ZNF521: variants seen among roughly 807,000 people sequenced by gnomAD.
The protein encoded by ZNF521 is LYST-interacting protein 3.
In ZNF521, 14 loss-of-function variants were observed where a neutral mutation model predicts 105.5. That is an observed-to-expected ratio of 0.13 (90% CI 0.09 to 0.21). The LOEUF is 0.21. ZNF521 is among the 10% of genes least tolerant of loss of function. The pLI is 1.00. For synonymous variants in ZNF521, 635 were observed against 606.0 expected (o/e 1.05, Z -0.70); for missense variants, 1,233 against 1,629.7 (o/e 0.76, Z 4.19).
chr18:25,179,879 AAAG>A (rs1372476860), intron 5 of ZNF521, among the ~76,000 whole-genome samples: 9 of 152,226 alleles, frequency 5.9e-5, no homozygotes, highest in Non-Finnish European at 8.8e-5. Flanking sequence ...TTAAATACAC[AAAG>A]AAGACGACAA....
At chr18:25,163,641 C>G (rs2035287919) in intron 5 of ZNF521, among the ~76,000 whole-genome samples, 1 of 152,148 alleles carries the variant, frequency 6.6e-6, no homozygotes. Flanking sequence ...ACACAGTGCC[C>G]ATTTCATGGC....
intron 4 of ZNF521, among the ~76,000 whole-genome samples, chr18:25,217,203 C>T (rs1297178821): frequency 6.6e-6 from 1 of 152,118 alleles, no homozygotes; most frequent in Admixed American, 6.5e-5. Flanking sequence ...CCAACTGCAG[C>T]ATGAAGAATG....
At chr18:25,097,540 C>T (rs1475703659) in intron 5 of ZNF521, among the ~76,000 whole-genome samples, 1 of 152,024 alleles carries the variant, frequency 6.6e-6, no homozygotes, top group Non-Finnish European at 1.5e-5. Flanking sequence ...TTGTCACTGG[C>T]AATATGGGAG....
At chr18:25,162,422 T>G (rs552824589) in intron 5 of ZNF521, among the ~76,000 whole-genome samples, 4 of 152,238 alleles carry the variant, frequency 2.6e-5, no homozygotes, top group Non-Finnish European at 5.9e-5. Context: ...ATAATAATTT[T>G]CAGTGTTTCT....
intron 3 of ZNF521, among the ~76,000 whole-genome samples, chr18:25,301,585 C>T (rs907117455): frequency 1.3e-5 from 2 of 152,216 alleles, no homozygotes; most frequent in African/African-American, 4.8e-5. Context: ...TGACCTGATG[C>T]TGTCCTCATG....
intron 5 of ZNF521, among the ~76,000 whole-genome samples, chr18:25,103,356 G>A (rs1235439429): frequency 6.6e-6 from 1 of 152,114 alleles, no homozygotes; most frequent in Non-Finnish European, 1.5e-5. Flanking sequence ...CCTTTATGGA[G>A]TTATAATTAC....
At chr18:25,349,008 C>G (rs1018948259) in intron 2 of ZNF521, among the ~76,000 whole-genome samples, 3 of 152,138 alleles carry the variant, frequency 2.0e-5, no homozygotes, top group African/African-American at 7.2e-5. Context: ...ACCAAATGCT[C>G]AGAAGCTGCG....
At chr18:25,327,501 C>T in intron 2 of ZNF521, 1 of 926,748 alleles carries the variant, frequency 1.1e-6, no homozygotes, top group Non-Finnish European at 1.4e-6. Flanking sequence ...TCTGAAAGCA[C>T]TCCTCCCCTA....
intron 2 of ZNF521, among the ~76,000 whole-genome samples, chr18:25,338,003 T>C (rs539914387): frequency 3.1e-4 from 47 of 152,256 alleles, no homozygotes; most frequent in African/African-American, 1.1e-3. Flanking sequence ...GACCTCCCGC[T>C]TTTGTTTGGG....
At chr18:25,339,698 G>T (rs927896153) in intron 2 of ZNF521, among the ~76,000 whole-genome samples, 4 of 152,052 alleles carry the variant, frequency 2.6e-5, no homozygotes, top group Non-Finnish European at 5.9e-5. Flanking sequence ...TAGGTTACGG[G>T]GATTCAAAGA....
intron 7 of ZNF521, 26 bp downstream of exon 7, chr18:25,089,439 C>A: frequency 6.5e-7 from 1 of 1,543,570 alleles, no homozygotes; most frequent in Non-Finnish European, 9.0e-7. Flanking sequence ...TGAGTTCAAT[C>A]CCAGTCCTCC....
In ZNF521 at chr18:25,226,542, A is replaced by G. The variant is rs1262403339; in HGVS notation, c.1376T>C (p.Val459Ala). The change falls in exon 4 of 8, where the codon GTG becomes GCG. Residue 459 changes from valine to alanine, a missense_variant. Physicochemically the swap from Val to Ala is moderately conservative, Grantham distance 64. Coordinates refer to ENST00000361524, the MANE Select transcript of ZNF521 (RefSeq NM_015461.3). This position sits in a 1 kb window ranked among gnomAD's most constrained non-coding sequence, Gnocchi z 4.1. ...LYNLNEHLKQ[V>A]HEAQDPGLIV... Reference sequence around the variant, plus strand: ...CAGACCTGGGTCCTGAGCTTCATGCACTTGCTTAAGATGTTCATTTAGGTT... The same window carrying G: ...CAGACCTGGGTCCTGAGCTTCATGCGCTTGCTTAAGATGTTCATTTAGGTT... 7 of 1,614,174 alleles carry G rather than the reference A, an allele frequency of 4.3e-6. No individual in the cohort carries two copies. Among genetic ancestry groups the G allele is most frequent in the Non-Finnish European group, 5.9e-6 (7 of 1,180,032 alleles).
intron 3 of ZNF521, among the ~76,000 whole-genome samples, chr18:25,280,814 T>C (rs540275652): frequency 3.3e-5 from 5 of 152,350 alleles, no homozygotes; most frequent in African/African-American, 1.2e-4. Context: ...TCTAGGAATA[T>C]ATTTGTTTTA....
chr18:25,312,654 T>C (rs1912378399), intron 3 of ZNF521, among the ~76,000 whole-genome samples: 1 of 97,798 alleles, frequency 1.0e-5, no homozygotes, highest in Non-Finnish European at 2.2e-5. Flanking sequence ...CTACTAAAAA[T>C]ACAAAAATTA....
In ZNF521 at chr18:25,090,637, C is replaced by T. The variant is rs868431972; in HGVS notation, c.3791-1057G>A. ...ATTAATGCATTTTTGTCTCTTTATCCGTATCAACAAGAAGAAATGAGGTTT... is the reference window on the plus strand; with the variant it reads ...ATTAATGCATTTTTGTCTCTTTATCTGTATCAACAAGAAGAAATGAGGTTT... On this transcript the variant is annotated intron_variant, in intron 6 of 7. Coordinates refer to ENST00000361524, the MANE Select transcript of ZNF521 (RefSeq NM_015461.3). Among the ~76,000 whole-genome samples the T allele has an allele frequency of 9.2e-5, 14 of 152,242 alleles. No homozygotes were observed. In the Middle Eastern group the frequency reaches 0.01, roughly 111 times the overall value.
chr18:25,099,979 G>C (rs1359094352), intron 5 of ZNF521, among the ~76,000 whole-genome samples: 1 of 152,162 alleles, frequency 6.6e-6, no homozygotes, highest in Non-Finnish European at 1.5e-5. Context: ...TCCACACAGT[G>C]GGGGGCCCGC....
chr18:25,173,870 C>T (rs565455212), intron 5 of ZNF521, among the ~76,000 whole-genome samples: 3 of 152,200 alleles, frequency 2.0e-5, no homozygotes, highest in African/African-American at 4.8e-5. Context: ...TCAATAATTC[C>T]TCTATTCTTC....
intron 4 of ZNF521, chr18:25,224,004 C>T (rs1031345328): frequency 3.6e-6 from 1 of 274,194 alleles, no homozygotes; most frequent in South Asian, 1.1e-4. Flanking sequence ...CTCTGCCATA[C>T]ACACAAGTCA....
intron 3 of ZNF521, among the ~76,000 whole-genome samples, chr18:25,273,135 G>A (rs1600241527): frequency 7.1e-6 from 1 of 139,912 alleles, no homozygotes; most frequent in Non-Finnish European, 1.5e-5. Flanking sequence ...GCTAAGGCAG[G>A]AGAATCACTT....
Sources: allele counts gnomAD v4.1 joint callset (sites outside exome capture counted in the v4.1 genomes callset), GRCh38; gene constraint gnomAD v4.1.1; non-coding constraint Gnocchi (gnomAD v3.1); transcripts MANE v1.5; gene names NCBI Gene and HGNC (gene_info 2026-07-23, HGNC 2026-07-21).